Variants in FRMPD4 observed in about 807,000 individuals in gnomAD.
The protein encoded by FRMPD4 is FERM and PDZ domain containing 4.
FRMPD4 carries 22 observed loss-of-function variants against 94.1 expected under a neutral mutation model. That is an observed-to-expected ratio of 0.23 (90% CI 0.17 to 0.33). FRMPD4 has a LOEUF of 0.33. Ranked by LOEUF, FRMPD4 falls within the 10% of genes least tolerant of loss-of-function variation. The probability of loss-of-function intolerance (pLI) is 1.00; values close to 1 mark genes in which losing one functional copy is unlikely to be tolerated. For missense variants in FRMPD4, 1,111 were observed against 1,339.9 expected, an observed-to-expected ratio of 0.83 and a Z score of 2.67; for synonymous variants, 631 against 548.6, an observed-to-expected ratio of 1.15 and a Z score of -2.10.
At chrX:11,870,442 T>C (rs769949185) in intron 2 of FRMPD4, among the ~76,000 whole-genome samples, 5 of 111,748 alleles carry the variant, frequency 4.5e-5, no homozygotes, top group Non-Finnish European at 9.4e-5. Flanking sequence ...AGGAACCTTA[T>C]GAACCTAAGG....
intron 4 of FRMPD4, among the ~76,000 whole-genome samples, chrX:12,647,365 G>A (rs1353439916): frequency 1.8e-5 from 2 of 112,195 alleles, no homozygotes; most frequent in African/African-American, 3.2e-5. Flanking sequence ...TCCTCTTGGG[G>A]AGTTCCAGGA....
intron 1 of FRMPD4, among the ~76,000 whole-genome samples, chrX:12,236,424 G>A (rs578100553): frequency 7.1e-4 from 79 of 111,352 alleles, no homozygotes; most frequent in Non-Finnish European, 1.3e-3. Flanking sequence ...GAGAGTTCGG[G>A]ATCAAATTAA....
At chrX:12,089,696 C>CTA (rs2055138634) in intron 3 of FRMPD4, among the ~76,000 whole-genome samples, 3 of 111,633 alleles carry the variant, frequency 2.7e-5, no homozygotes, top group South Asian at 3.7e-4. Flanking sequence ...ATATCTATGT[C>CTA]TATATATATA....
intron 3 of FRMPD4, among the ~76,000 whole-genome samples, chrX:12,038,782 G>A (rs1157317715): frequency 9.0e-6 from 1 of 111,711 alleles, no homozygotes; most frequent in Non-Finnish European, 1.9e-5. Context: ...CCCTAGGATT[G>A]ATAGTGATGT....
intron 3 of FRMPD4, among the ~76,000 whole-genome samples, chrX:12,074,562 T>A (rs934452819): frequency 1.8e-5 from 2 of 111,966 alleles, no homozygotes; most frequent in Non-Finnish European, 3.8e-5. Flanking sequence ...CTTTCTTGGT[T>A]CCCTGAAATC....
chrX:12,537,164 A>G lies in FRMPD4; in HGVS notation c.158+38368A>G, dbSNP rs769927553. On this transcript the variant is annotated intron_variant, in intron 2 of 16. Transcript: ENST00000675598. ...TTCCTGTCACCTTTCACATGTTGAT[A>G]TAAAGTCTTTGTGTGTCTAAAGCAG... Among the ~76,000 whole-genome samples the G allele has an allele frequency of 3.6e-5, 4 of 111,718 alleles. No individual in the cohort carries two copies. In the South Asian group the frequency reaches 1.5e-3, roughly 42 times the overall value.
At chrX:12,241,408 C>T (rs1164422004) in intron 1 of FRMPD4, among the ~76,000 whole-genome samples, 2 of 112,121 alleles carry the variant, frequency 1.8e-5, no homozygotes, top group Non-Finnish European at 3.8e-5. Flanking sequence ...TTTTAACTTA[C>T]GTATATCAAA....
chrX:12,237,938 T>C (rs1259377138), intron 1 of FRMPD4, among the ~76,000 whole-genome samples: 2 of 111,939 alleles, frequency 1.8e-5, no homozygotes, highest in African/African-American at 6.5e-5. Context: ...ATTGACAAAT[T>C]TGAGTCAGAG....
At chrX:12,293,537 A>G (rs6640961) in intron 1 of FRMPD4, among the ~76,000 whole-genome samples, 11,442 of 112,280 alleles carry the variant, frequency 0.1, 668 homozygotes, top group East Asian at 0.39. Flanking sequence ...AAAGAATAAT[A>G]AATTAAGATT....
At chrX:11,851,266 G>C (rs1372022565) in intron 1 of FRMPD4, among the ~76,000 whole-genome samples, 2 of 111,799 alleles carry the variant, frequency 1.8e-5, no homozygotes, top group Non-Finnish European at 3.8e-5. Context: ...AAACAGATTT[G>C]TCCAGTTTCA....
intron 3 of FRMPD4, among the ~76,000 whole-genome samples, chrX:11,967,434 A>G (rs2054315186): frequency 8.9e-6 from 1 of 112,583 alleles, no homozygotes; most frequent in African/African-American, 3.2e-5. Flanking sequence ...GTTTAGCTTT[A>G]GAGTCACAAT....
At chrX:12,290,811 A>G (rs2054674536) in intron 1 of FRMPD4, among the ~76,000 whole-genome samples, 1 of 110,971 alleles carries the variant, frequency 9.0e-6, no homozygotes, top group Non-Finnish European at 1.9e-5. Flanking sequence ...ACCACCCCCT[A>G]CACATGTGCA....
At chrX:12,142,507 G>C (rs1396427351) in intron 1 of FRMPD4, among the ~76,000 whole-genome samples, 1 of 111,038 alleles carries the variant, frequency 9.0e-6, no homozygotes, top group African/African-American at 3.3e-5. Context: ...ATAATAGTGA[G>C]CTCTGGAGGC....
chrX:11,890,667 TTAAA>T, intron 3 of FRMPD4, among the ~76,000 whole-genome samples: 1 of 112,262 alleles, frequency 8.9e-6, no homozygotes, highest in East Asian at 2.8e-4. Flanking sequence ...AGACAGGTGG[TTAAA>T]TAATTTACCC....
chrX:11,829,600 A>G (rs999764609), intron 1 of FRMPD4, among the ~76,000 whole-genome samples: 1 of 111,389 alleles, frequency 9.0e-6, no homozygotes, highest in Non-Finnish European at 1.9e-5. Flanking sequence ...AATAACCACT[A>G]GTTTGGAAGG....
chrX:11,899,503 A>G (rs1433303808), intron 3 of FRMPD4, among the ~76,000 whole-genome samples: 1 of 109,882 alleles, frequency 9.1e-6, no homozygotes, highest in African/African-American at 3.3e-5. Context: ...TCTCATAGAG[A>G]GAAGGATTAA....
At chrX:11,874,003 A>C (rs1483335012) in intron 2 of FRMPD4, among the ~76,000 whole-genome samples, 2 of 111,306 alleles carry the variant, frequency 1.8e-5, no homozygotes, top group Admixed American at 9.5e-5. Flanking sequence ...CCGAGATCGC[A>C]CCACTGCACT....
At chrX:12,114,311 T>A (rs1388859983) in intron 3 of FRMPD4, among the ~76,000 whole-genome samples, 2 of 112,028 alleles carry the variant, frequency 1.8e-5, no homozygotes, top group Non-Finnish European at 3.8e-5. Flanking sequence ...AATATTTTTT[T>A]CTATCTGTCT....
chrX:12,185,361 A>T (rs1468347842), intron 1 of FRMPD4, among the ~76,000 whole-genome samples: 1 of 111,534 alleles, frequency 9.0e-6, no homozygotes, highest in Non-Finnish European at 1.9e-5. Context: ...GATTCTATAG[A>T]CTATAGATGC....
Sources: gnomAD v4.1 joint callset for allele counts (sites outside exome capture counted in the v4.1 genomes callset) on GRCh38, gnomAD v4.1.1 for gene constraint, MANE v1.5 for transcripts, NCBI Gene and HGNC (gene_info 2026-07-23, HGNC 2026-07-21) for gene names.